Variants in STK39 observed in about 807,000 individuals in gnomAD.
STK39 encodes the protein serine/threonine kinase 39.
In STK39, 20 loss-of-function variants were observed where a neutral mutation model predicts 77.8. The ratio of observed to expected loss-of-function variants is 0.26; its 90% confidence interval spans 0.18 to 0.37. The LOEUF is 0.37. Ranked by LOEUF, STK39 falls within the 10% of genes least tolerant of loss-of-function variation. The probability of loss-of-function intolerance (pLI) is 1.00; values close to 1 mark genes in which losing one functional copy is unlikely to be tolerated. For synonymous variants in STK39, 246 were observed against 234.1 expected (o/e 1.05, Z -0.47); for missense variants, 479 against 656.5 (o/e 0.73, Z 2.95).
chr2:168,050,514 AAAGCAGAG>A (rs1389156049), intron 14 of STK39, among the ~76,000 whole-genome samples: 1 of 152,220 alleles, frequency 6.6e-6, no homozygotes, highest in African/African-American at 2.4e-5. Flanking sequence ...AGGGTCCTTA[AAAGCAGAG>A]AAGCCTCCTG....
At chr2:168,189,664 T>C (rs1689291137) in intron 1 of STK39, among the ~76,000 whole-genome samples, 4 of 152,204 alleles carry the variant, frequency 2.6e-5, no homozygotes, top group Admixed American at 2.6e-4. Context: ...AATATTGGAA[T>C]TTACTTCTAG....
At chr2:168,051,909 A>G (rs891434229) in intron 14 of STK39, among the ~76,000 whole-genome samples, 6 of 152,070 alleles carry the variant, frequency 3.9e-5, no homozygotes. Flanking sequence ...AGCTCCACAG[A>G]GGCAGGCCAG....
chr2:168,214,968 T>C (rs1574562940), intron 1 of STK39, among the ~76,000 whole-genome samples: 1 of 152,338 alleles, frequency 6.6e-6, no homozygotes, highest in East Asian at 1.9e-4. Flanking sequence ...CTTGGAGCTC[T>C]CTTCATGTTA....
intron 14 of STK39, among the ~76,000 whole-genome samples, chr2:168,030,879 G>A (rs554422003): frequency 6.6e-6 from 1 of 152,308 alleles, no homozygotes; most frequent in African/African-American, 2.4e-5. Context: ...CTAGGCATTT[G>A]CTAGGTTGTT....
chr2:168,100,338 G>T (rs1181648937), intron 10 of STK39, among the ~76,000 whole-genome samples: 1 of 152,150 alleles, frequency 6.6e-6, no homozygotes, highest in African/African-American at 2.4e-5. Context: ...GACTGCAGGG[G>T]ATCTGGGTTC....
At chr2:168,189,001 C>T (rs1333815873) in intron 1 of STK39, among the ~76,000 whole-genome samples, 1 of 152,192 alleles carries the variant, frequency 6.6e-6, no homozygotes, top group Non-Finnish European at 1.5e-5. Flanking sequence ...CACCACCAAG[C>T]TGACTGAGTT....
At chr2:168,014,552 G>T (rs894777125) in intron 15 of STK39, among the ~76,000 whole-genome samples, 1 of 152,070 alleles carries the variant, frequency 6.6e-6, no homozygotes, top group East Asian at 1.9e-4. Flanking sequence ...TGGAAGTTGG[G>T]GTAGCATAAT....
intron 1 of STK39, among the ~76,000 whole-genome samples, chr2:168,210,093 T>C (rs1280738162): frequency 2.9e-5 from 4 of 137,412 alleles, no homozygotes; most frequent in African/African-American, 1.2e-4. Flanking sequence ...AAGAAACTCA[T>C]GTAATTAGAA....
At chr2:168,229,786 GA>G (rs1383072593) in intron 1 of STK39, among the ~76,000 whole-genome samples, 2 of 152,126 alleles carry the variant, frequency 1.3e-5, no homozygotes, top group African/African-American at 4.8e-5. Context: ...TGAGTTTTAA[GA>G]AAGTCAGTCT....
chr2:168,247,461 C>T lies in STK39; in HGVS notation c.-26G>A, dbSNP rs764679519. 9.2e-6 allele frequency: 12 copies of T among 1,305,418 alleles called. No individual in the cohort carries two copies. Among genetic ancestry groups the T allele is most frequent in the South Asian group, 6.7e-5 (4 of 59,672 alleles). The allele number at this position is 1,305,418 out of a possible 1,614,324, so 80.9% of individuals were successfully genotyped here. On this transcript the variant is annotated 5_prime_UTR_variant, in exon 1 of 18. Transcript: ENST00000355999. ...GATGCTGCGGAGGAGAGCAGGAGGA[C>T]GCGCCGGCCGACGGACGACCTTCCA...
chr2:168,194,740 T>A (rs933993505), intron 1 of STK39, among the ~76,000 whole-genome samples: 3 of 152,244 alleles, frequency 2.0e-5, no homozygotes, highest in African/African-American at 7.2e-5. Context: ...GCCAGCTGAT[T>A]GCATCTGCTG....
At chr2:168,205,364 T>C (rs2105684011) in intron 1 of STK39, among the ~76,000 whole-genome samples, 1 of 152,344 alleles carries the variant, frequency 6.6e-6, no homozygotes, top group East Asian at 1.9e-4. Context: ...TGAGTGACTT[T>C]TACTTTCTTC....
intron 5 of STK39, among the ~76,000 whole-genome samples, chr2:168,155,476 G>A (rs574488491): frequency 2.0e-5 from 3 of 152,148 alleles, no homozygotes; most frequent in South Asian, 2.1e-4. Flanking sequence ...GAATTTTGTC[G>A]TAATTCATCA....
intron 14 of STK39, among the ~76,000 whole-genome samples, chr2:168,028,767 C>T (rs1435254878): frequency 1.3e-5 from 2 of 152,146 alleles, no homozygotes; most frequent in Non-Finnish European, 2.9e-5. Flanking sequence ...TCATCATTGT[C>T]TCTGTGATGT....
chr2:168,164,262 G>A lies in STK39; in HGVS notation c.431-382C>T, dbSNP rs2105590981. Among the ~76,000 whole-genome samples the A allele has an allele frequency of 3.3e-5, 5 of 152,272 alleles. No homozygotes were observed. In the Middle Eastern group the frequency reaches 0.014, roughly 414 times the overall value. On this transcript the variant is annotated intron_variant, in intron 3 of 17. Coordinates refer to ENST00000355999, the MANE Select transcript of STK39 (RefSeq NM_013233.3). ...TATGAGGCCAGGAGAAAAGGCAGAAGTGAACTGCTGAGAGAAAAAAAACAC... is the reference window on the plus strand; with the variant it reads ...TATGAGGCCAGGAGAAAAGGCAGAAATGAACTGCTGAGAGAAAAAAAACAC...
At chr2:168,018,537 G>A (rs75097866) in intron 14 of STK39, among the ~76,000 whole-genome samples, 2 of 43,302 alleles carry the variant, frequency 4.6e-5, no homozygotes, top group Non-Finnish European at 5.1e-5. Context: ...AGAAAAGAAA[G>A]AAAAGAAAGA....
At chr2:168,141,214 A>T (rs1163169065) in intron 5 of STK39, among the ~76,000 whole-genome samples, 1 of 152,250 alleles carries the variant, frequency 6.6e-6, no homozygotes, top group Non-Finnish European at 1.5e-5. Context: ...TTTTATAAGA[A>T]GATGAATTAA....
chr2:168,050,843 T>C (rs918684585), intron 14 of STK39, among the ~76,000 whole-genome samples: 1 of 152,170 alleles, frequency 6.6e-6, no homozygotes, highest in African/African-American at 2.4e-5. Flanking sequence ...GGCCAACCAA[T>C]GAAATTCACC....
chr2:168,242,555 AAAAAAAT>A (rs1690786784), intron 1 of STK39, among the ~76,000 whole-genome samples: 1 of 57,762 alleles, frequency 1.7e-5, no homozygotes, highest in African/African-American at 7.4e-5. Context: ...ACAAAAAAAA[AAAAAAAT>A]ATATATATAT....
Sources: allele counts gnomAD v4.1 joint callset (sites outside exome capture counted in the v4.1 genomes callset), GRCh38; gene constraint gnomAD v4.1.1; transcripts MANE v1.5; gene names NCBI Gene and HGNC (gene_info 2026-07-23, HGNC 2026-07-21).